CLK2: variants seen among roughly 807,000 people sequenced by gnomAD.
CLK2 encodes the protein CDC like kinase 2, also known as dual specificity protein kinase CLK2.
In CLK2, 12 loss-of-function variants were observed where a neutral mutation model predicts 73.5. The ratio of observed to expected loss-of-function variants is 0.16; its 90% CI spans 0.10 to 0.26. The LOEUF (loss-of-function observed/expected upper bound fraction) is 0.26, where lower values mean the gene tolerates loss of function less well. Among genes scored for constraint, CLK2 ranks in the 10% least tolerant of loss-of-function variants. The pLI is 1.00. For synonymous variants in CLK2, 232 were observed against 237.9 expected (o/e 0.98, Z 0.23); for missense variants, 509 against 688.4 (o/e 0.74, Z 2.92).
chr1:155,271,645 C>T (rs1371614714), intron 1 of CLK2, among the ~76,000 whole-genome samples: 2 of 152,200 alleles, frequency 1.3e-5, no homozygotes, highest in African/African-American at 4.8e-5. Context: ...CAGTGTATCC[C>T]CGTTCAGGAT....
rs984410852 is a variant in CLK2, at chr1:155,267,709, C to G, written c.671+301G>C. 3.9e-5 allele frequency among the ~76,000 whole-genome samples: 6 copies of G among 152,182 alleles called. No individual in the cohort carries two copies. In the East Asian group the frequency reaches 9.6e-4, roughly 24 times the overall value. On this transcript the variant is annotated intron_variant, in intron 6 of 12. Transcript: ENST00000368361. Reference sequence around the variant, plus strand: ...ACTTATAAAAGCTTAATTCATTGTTCGATGAGGTTGATGCTCAGTCCTAGG... The same window carrying G: ...ACTTATAAAAGCTTAATTCATTGTTGGATGAGGTTGATGCTCAGTCCTAGG...
chr1:155,267,253 C>T (rs1030232491), intron 6 of CLK2, among the ~76,000 whole-genome samples: 3 of 152,014 alleles, frequency 2.0e-5, no homozygotes, highest in African/African-American at 7.2e-5. Flanking sequence ...CCACCATGCC[C>T]GGCTAATTTT....
At chr1:155,269,958 G>A (rs762988107) in intron 2 of CLK2, among the ~76,000 whole-genome samples, 54 of 152,188 alleles carry the variant, frequency 3.5e-4, no homozygotes, top group Non-Finnish European at 6.2e-4. Flanking sequence ...CCTTTTTCCC[G>A]CTGCAGTGAT....
At chr1:155,272,970 TACTCTATC>T (rs1673580827) in intron 1 of CLK2, among the ~76,000 whole-genome samples, 1 of 152,154 alleles carries the variant, frequency 6.6e-6, no homozygotes, top group Admixed American at 6.5e-5. Flanking sequence ...CTCCCATCCT[TACTCTATC>T]ATCCCTTCTA....
At position 155,263,410 on chromosome 1, in the gene CLK2, G is replaced by A. The variant is rs951647215; in HGVS notation, c.1318-10C>T. The A allele has an allele frequency of 3.1e-6, 5 of 1,613,532 alleles. No homozygotes were observed. In the African/African-American group the frequency reaches 5.3e-5, roughly 17 times the overall value. On this transcript the variant is annotated splice_polypyrimidine_tract_variant and intron_variant, in intron 12 of 12. Transcript: ENST00000368361. The stretch of plus-strand genomic sequence containing the variant: ...CTGAGGTCAGATACCGCTGGTGGAG[G>A]AGGGCAGGAAAAAGGTGAGGCAGGA...
Position 155,263,930 on chromosome 1 carries a change from T to G in CLK2, c.1317+20A>C, listed in dbSNP as rs1673107389. On this transcript the variant is annotated intron_variant, in intron 12 of 12. Coordinates refer to ENST00000368361, the MANE Select transcript of CLK2 (RefSeq NM_001294338.2). The stretch of plus-strand genomic sequence containing the variant: ...GTGACTTCTGGACGGTGGGCACTAT[T>G]TATCCCGAGCCCAGCTCACCCGCAG... 2 of 1,610,606 alleles carry G rather than the reference T, an allele frequency of 1.2e-6. No individual in the cohort carries two copies. Among genetic ancestry groups the G allele is most frequent in the African/African-American group, 2.7e-5 (2 of 74,804 alleles).
intron 1 of CLK2, among the ~76,000 whole-genome samples, chr1:155,272,240 T>C (rs1413565885): frequency 6.6e-6 from 1 of 152,134 alleles, no homozygotes; most frequent in Non-Finnish European, 1.5e-5. Context: ...GGTCTCGAAC[T>C]CCCAACCTCA....
chr1:155,263,754 T>C (rs1673095868), intron 12 of CLK2, 196 bp downstream of exon 12: 2 of 983,494 alleles, frequency 2.0e-6, no homozygotes, highest in South Asian at 9.4e-5. Context: ...GTCTCAAGGT[T>C]AGGCTGTCTA....
In CLK2 at chr1:155,266,781, G is replaced by A. The variant is rs200464439; in HGVS notation, c.786C>T (p.Tyr262=). The A allele has an allele frequency of 4.3e-6, 7 of 1,613,640 alleles. No homozygotes were observed. The change falls in exon 7 of 13, where the codon TAC becomes TAT. Residue 262 remains tyrosine, a synonymous_variant. Coordinates refer to ENST00000368361, the MANE Select transcript of CLK2 (RefSeq NM_001294338.2). ...CCATGTGGCGCACTTGGTGGATGGGGTAGGGCAGGTAGTTGTTGTCTTTGA... is the reference window on the plus strand; with the variant it reads ...CCATGTGGCGCACTTGGTGGATGGGATAGGGCAGGTAGTTGTTGTCTTTGA... ...DFLKDNNYLP[Y]PIHQVRHMAF...
chr1:155,266,677 T>A, intron 7 of CLK2, 52 bp downstream of exon 7: 2 of 1,576,112 alleles, frequency 1.3e-6, no homozygotes, highest in Non-Finnish European at 1.7e-6. Context: ...GACAGAGAGA[T>A]CCAATGAAGG....
chr1:155,269,271 G>C (rs1202181662), intron 3 of CLK2: 2 of 604,512 alleles, frequency 3.3e-6, no homozygotes, highest in Non-Finnish European at 5.9e-6. Flanking sequence ...GCCAGGGAGA[G>C]CACTGGGGGT....
intron 8 of CLK2, among the ~76,000 whole-genome samples, chr1:155,265,238 C>T (rs908545813): frequency 2.6e-5 from 4 of 152,042 alleles, no homozygotes; most frequent in Middle Eastern, 3.2e-3. Flanking sequence ...TCAAAGGAGC[C>T]GAGCTTTCCT....
At chr1:155,267,966 G>A (rs769906080) in intron 6 of CLK2, 44 bp downstream of exon 6, 2 of 1,350,010 alleles carry the variant, frequency 1.5e-6, no homozygotes, top group South Asian at 2.3e-5. Context: ...CCCGTGTAGG[G>A]GTTGGGGCTC....
intron 8 of CLK2, among the ~76,000 whole-genome samples, chr1:155,265,089 G>C (rs1051258325): frequency 3.3e-5 from 5 of 152,172 alleles, no homozygotes; most frequent in African/African-American, 4.8e-5. Flanking sequence ...CTGAAAAAAT[G>C]TAACATGTAG....
rs756738279 is a variant in CLK2 at position 155,268,382 on chromosome 1, CG to C, written c.488-24del. On this transcript the variant is annotated intron_variant, in intron 4 of 12. Coordinates refer to ENST00000368361, the MANE Select transcript of CLK2 (RefSeq NM_001294338.2). The surrounding 1 kb of genome is among the most constrained non-coding windows in gnomAD (Gnocchi z 5.6). The stretch of plus-strand genomic sequence containing the variant: ...CATCTGAAATGAAAGAGAGCAGGGT[CG>C]GGGAGAGGGAGGGAGAGAAGGTGGG... 8 of 1,608,534 alleles carry C rather than the reference CG, an allele frequency of 5.0e-6. 1 individual carries two copies. The South Asian group carries it at 8.8e-5, about 18-fold the overall frequency.
rs1254176691 is a variant in CLK2, at chr1:155,266,911, G to A, written c.672-16C>T. On this transcript the variant is annotated splice_polypyrimidine_tract_variant and intron_variant, in intron 6 of 12. Transcript: ENST00000368361. ...GACACAGAGGCTGAGAAGAGAGATG[G>A]GGGAAGGGGGGTTGTCTGATGAGCT... is the stretch of plus-strand genomic sequence containing the variant. 1 of 1,612,228 alleles carries A rather than the reference G, an allele frequency of 6.2e-7. No individual in the cohort carries two copies.
chr1:155,263,488 C>G (rs1229411565), intron 12 of CLK2, 88 bp from the exon 13 acceptor site: 22 of 1,525,872 alleles, frequency 1.4e-5, no homozygotes, highest in Non-Finnish European at 4.4e-6. Context: ...CTTGGAGAAC[C>G]AAGGCTCTGC....
rs12749700 is a variant in CLK2 at position 155,270,923 on chromosome 1, G to T, written c.55C>A (p.Arg19Ser). 2.4e-3 allele frequency: 3,829 copies of T among 1,614,138 alleles called. 6 individuals carry two copies. Among genetic ancestry groups the T allele is most frequent in the Middle Eastern group, 3.6e-3 (22 of 6,062 alleles). Residue 19 changes from arginine (R) to serine (S), a missense_variant, in exon 2 of 13, where the codon CGT (arginine) becomes AGT (serine). Physicochemically the swap from Arg to Ser is moderately radical, Grantham distance 110 (BLOSUM62 -1). Around this residue, in one of 6 missense-constraint regions of CLK2, gnomAD observed 222 missense variants for 221.7 expected, o/e 1.00. Transcript: ENST00000368361. The part of the protein sequence containing the change: ...SSERGSRGSY[R>S]EHYRSRKHKR... ...TGCTTTCGGCTCCGATAGTGTTCACGGTAACTCCCCCGGCTGCCTCGCTCT... is the reference window on the plus strand; with the variant it reads ...TGCTTTCGGCTCCGATAGTGTTCACTGTAACTCCCCCGGCTGCCTCGCTCT...
At position 155,269,600 on chromosome 1, in the gene CLK2, C is replaced by T. The variant is rs201143899; in HGVS notation, c.287G>A (p.Arg96Gln). 7.4e-6 allele frequency: 12 copies of T among 1,614,188 alleles called. No homozygotes were observed. The highest frequency in any genetic ancestry group is 1.3e-5 in the African/African-American group (1 of 75,052). ...RGDAYYDTDY[R>Q]HSYEYQRENS... ...CTCCCGCTGATATTCATAGGAATGC[C>T]GATAGTCTGTGTCATAGTAGGCATC... The change falls in exon 3 of 13, where the codon CGG becomes CAG. Residue 96 changes from arginine to glutamine, a missense_variant. By Grantham distance (43) the Arg-to-Gln change is conservative (BLOSUM62 1). This residue lies in a region of CLK2 where 222 missense variants were observed against 221.7 expected (regional missense o/e 1.00). Transcript: ENST00000368361.
Sources: allele counts gnomAD v4.1 joint callset (sites outside exome capture counted in the v4.1 genomes callset), GRCh38; gene constraint gnomAD v4.1.1; regional missense constraint gnomAD v4.1.1; non-coding constraint Gnocchi (gnomAD v3.1); transcripts MANE v1.5; gene names NCBI Gene and HGNC (gene_info 2026-07-23, HGNC 2026-07-21).